Variants in RPS9 observed in about 807,000 individuals in gnomAD.
RPS9 encodes small ribosomal subunit protein uS4.
A neutral mutation model predicts 16.9 loss-of-function variants in RPS9; 1 was observed. That is an observed-to-expected ratio of 0.06 (90% CI 0.02 to 0.28). The LOEUF is 0.28. Among genes scored for constraint, RPS9 ranks in the 10% least tolerant of loss-of-function variants. RPS9 has a pLI of 1.00. For missense variants in RPS9, 137 were observed against 273.2 expected, an observed-to-expected ratio of 0.50 and a Z score of 3.51; for synonymous variants, 106 against 110.9, an observed-to-expected ratio of 0.96 and a Z score of 0.28.
intron 3 of RPS9, chr19:54,203,095 T>C: frequency 1.0e-6 from 1 of 984,862 alleles, no homozygotes; most frequent in Non-Finnish European, 1.2e-6. Context: ...TGGGAATTCA[T>C]CCCAGGGTTC....
At chr19:54,205,518 C>A (rs1302618278) in intron 3 of RPS9, among the ~76,000 whole-genome samples, 2 of 152,026 alleles carry the variant, frequency 1.3e-5, no homozygotes, top group Admixed American at 1.3e-4. Flanking sequence ...GATGTAGATA[C>A]TGCTATTTAT....
At chr19:54,201,070 C>T (rs2077026425) in intron 1 of RPS9, 90 bp from the exon 2 acceptor site, 15 of 1,528,496 alleles carry the variant, frequency 9.8e-6, no homozygotes, top group Middle Eastern at 2.4e-4. Context: ...CTCGCGAGAT[C>T]GGATCTGGGC....
Position 54,201,616 on chromosome 19 carries a change from A to G in RPS9, c.220+7A>G, listed in dbSNP as rs749741539. ...CCACGGCGTCTGTTCGAAGGTGCGTATGGGAGTCCACAGCAGAGGGATGGG... is the reference window on the plus strand; with the variant it reads ...CCACGGCGTCTGTTCGAAGGTGCGTGTGGGAGTCCACAGCAGAGGGATGGG... On this transcript the variant is annotated splice_region_variant and intron_variant, in intron 3 of 4. Transcript: ENST00000302907. 6.2e-7 allele frequency: 1 copy of G among 1,613,974 alleles called. No homozygotes were observed. The highest frequency in any genetic ancestry group is 8.5e-7 in the Non-Finnish European group (1 of 1,180,034).
rs368168882 is a variant in RPS9 at position 54,206,773 on chromosome 19, C to T, written c.407+311C>T. 178 of 1,417,522 alleles carry T rather than the reference C, an allele frequency of 1.3e-4. No individual in the cohort carries two copies. In the African/African-American group the frequency reaches 2.0e-3, roughly 16 times the overall value. 87.8% of individuals were successfully genotyped at this position (1,417,522 alleles called of 1,614,324 possible). ...TGGAGGGAGAGAACCAGCCTCACCT[C>T]GCTTGGGTGGTGGGTTCAGCTGTCT... is the stretch of plus-strand genomic sequence containing the variant. On this transcript the variant is annotated intron_variant, in intron 4 of 4. Coordinates refer to ENST00000302907, the MANE Select transcript of RPS9 (RefSeq NM_001013.4).
intron 3 of RPS9, chr19:54,202,581 A>C: frequency 1.0e-6 from 1 of 984,888 alleles, no homozygotes; most frequent in Non-Finnish European, 1.2e-6. Flanking sequence ...TTAAATTGAA[A>C]ATGTACCATC....
intron 3 of RPS9, 56 bp downstream of exon 3, chr19:54,201,665 C>T (rs2077057355): frequency 4.4e-6 from 7 of 1,605,612 alleles, no homozygotes; most frequent in Non-Finnish European, 6.0e-6. Context: ...GAGGTTCATT[C>T]TCCCTTCTGT....
At position 54,207,433 on chromosome 19, in the gene RPS9, T is replaced by C; in HGVS notation, c.443T>C (p.Ile148Thr). The C allele has an allele frequency of 1.2e-6, 2 of 1,613,760 alleles. No homozygotes were observed. The highest frequency in any genetic ancestry group is 1.7e-6 in the Non-Finnish European group (2 of 1,179,864). ...CAGGTGGTGAACATCCCGTCCTTCA[T>C]TGTCCGCCTGGATTCCCAGAAGCAC... is the stretch of plus-strand genomic sequence containing the variant. ...RKQVVNIPSF[I>T]VRLDSQKHID... The change falls in exon 5 of 5, where the codon ATT becomes ACT. Residue 148 changes from isoleucine to threonine, a missense_variant. By Grantham distance (89) the Ile-to-Thr change is moderately conservative. Transcript: ENST00000302907.
intron 3 of RPS9, among the ~76,000 whole-genome samples, chr19:54,203,771 T>TCCCCCCCCCCCCCCCC (rs11439192): frequency 1.2e-4 from 13 of 111,658 alleles, no homozygotes; most frequent in African/African-American, 2.7e-4. Flanking sequence ...CAACACGAAC[T>TCCCCCCCCCCCCCCCC]CCCCCCCCAC....
At chr19:54,201,042 A>G (rs1186793939) in intron 1 of RPS9, 118 bp from the exon 2 acceptor site, 21 of 1,482,334 alleles carry the variant, frequency 1.4e-5, no homozygotes, top group Non-Finnish European at 1.9e-5. Flanking sequence ...ACTGACTATG[A>G]GAGCGTTGGA....
At chr19:54,207,170 C>G (rs1358743329) in intron 4 of RPS9, 2 of 542,572 alleles carry the variant, frequency 3.7e-6, no homozygotes, top group Non-Finnish European at 6.5e-6. Flanking sequence ...TTTCGGATTT[C>G]TCCTATAAAA....
At chr19:54,202,479 T>G (rs1351420831) in intron 3 of RPS9, 1 of 985,092 alleles carries the variant, frequency 1.0e-6, no homozygotes, top group Non-Finnish European at 1.2e-6. Context: ...CTGTAAAATG[T>G]CTCAGGGAAC....
intron 3 of RPS9, among the ~76,000 whole-genome samples, chr19:54,205,591 T>A (rs2077213907): frequency 6.6e-6 from 1 of 152,250 alleles, no homozygotes; most frequent in African/African-American, 2.4e-5. Context: ...GCTGAGGATA[T>A]GAACTCTTCA....
intron 2 of RPS9, 56 bp downstream of exon 2, chr19:54,201,337 T>G (rs574314534): frequency 6.2e-7 from 1 of 1,613,140 alleles, no homozygotes; most frequent in Non-Finnish European, 8.5e-7. Context: ...GGTTAGCACG[T>G]GGATGAAGGT....
At position 54,201,097 on chromosome 19, in the gene RPS9, G is replaced by T. The variant is rs2077028143; in HGVS notation, c.-25-63G>T. ...GATCTGGGCTCCGCGAGGTTTTGGC[G>T]TAGTTGTGGGACTGCGCAGGCGCCG... is the stretch of plus-strand genomic sequence containing the variant. On this transcript the variant is annotated intron_variant, in intron 1 of 4. Transcript: ENST00000302907. 16 of 1,587,380 alleles carry T rather than the reference G, an allele frequency of 1.0e-5. No homozygotes were observed. The South Asian group carries it at 1.6e-4, about 16-fold the overall frequency.
intron 4 of RPS9, 91 bp from the exon 5 acceptor site, chr19:54,207,307 C>T (rs1432523663): frequency 4.3e-6 from 5 of 1,167,838 alleles, no homozygotes; most frequent in Non-Finnish European, 6.1e-6. Flanking sequence ...GTGGCGGCCT[C>T]ACGGGGTGGG....
rs1057213822 is a variant in RPS9, at chr19:54,202,701, T to TA, written c.220+1092_220+1093insA. The TA allele has an allele frequency of 1.1e-4, 112 of 985,454 alleles. No homozygotes were observed. In the Admixed American group the frequency reaches 1.2e-3, roughly 11 times the overall value. The allele number at this position is 985,454 out of a possible 1,614,324, so 61.0% of individuals were successfully genotyped here. ...ATTTGTATATCCTGAGACGCTGCTT[T>TA]TGCCTGAGTTTGGGTAGTCATGATT... is the stretch of plus-strand genomic sequence containing the variant. On this transcript the variant is annotated intron_variant, in intron 3 of 4. Transcript: ENST00000302907.
At chr19:54,202,493 A>C (rs1452681367) in intron 3 of RPS9, 1 of 984,206 alleles carries the variant, frequency 1.0e-6, no homozygotes, top group Admixed American at 6.2e-5. Flanking sequence ...AGGGAACAGC[A>C]TTTCAGGTGA....
intron 3 of RPS9, chr19:54,202,449 A>G (rs943887520): frequency 5.1e-6 from 5 of 985,264 alleles, no homozygotes; most frequent in East Asian, 2.3e-4. Context: ...TATTTAGCAA[A>G]GGCCTGAACA....
intron 3 of RPS9, among the ~76,000 whole-genome samples, chr19:54,203,890 C>T (rs1329069999): frequency 1.3e-5 from 2 of 151,778 alleles, no homozygotes; most frequent in Non-Finnish European, 2.9e-5. Context: ...ACCTGTTTCC[C>T]ACTGAGGTCC....
Sources: gnomAD v4.1 joint callset for allele counts (sites outside exome capture counted in the v4.1 genomes callset) on GRCh38, gnomAD v4.1.1 for gene constraint, MANE v1.5 for transcripts, NCBI Gene and HGNC (gene_info 2026-07-23, HGNC 2026-07-21) for gene names.